PCNX2: variants seen among roughly 807,000 people sequenced by gnomAD.
PCNX2 encodes the protein pecanex 2.
A neutral mutation model predicts 223.8 loss-of-function variants in PCNX2; 168 were observed. That is an observed-to-expected ratio of 0.75 (90% CI 0.66 to 0.85). The LOEUF is 0.85. Ranked by LOEUF, PCNX2 falls within the 40% of genes least tolerant of loss-of-function variation. PCNX2 has a pLI of 0.00. For synonymous variants in PCNX2, 1,006 were observed against 1,052.6 expected (o/e 0.96, Z 0.86); for missense variants, 2,507 against 2,675.5 (o/e 0.94, Z 1.39).
chr1:233,208,658 G>A lies in PCNX2; in HGVS notation c.2723C>T (p.Pro908Leu), dbSNP rs770846018. 6.2e-7 allele frequency: 1 copy of A among 1,613,416 alleles called. No homozygotes were observed. Among genetic ancestry groups the A allele is most frequent in the Non-Finnish European group, 8.5e-7 (1 of 1,179,710 alleles). Residue 908 changes from proline (P) to leucine (L), a missense_variant, in exon 13 of 34, where the codon CCA (proline) becomes CTA (leucine). Coordinates refer to ENST00000258229, the MANE Select transcript of PCNX2 (RefSeq NM_014801.4). ...GCCACACAGCACACAAAAATAGATTGGTCTGCTATATGTTATGATTTGGTT... is the reference window on the plus strand; with the variant it reads ...GCCACACAGCACACAAAAATAGATTAGTCTGCTATATGTTATGATTTGGTT... ...GHNQIITYSR[P>L]IYFCVLCGLI...
intron 10 of PCNX2, among the ~76,000 whole-genome samples, chr1:233,223,848 C>T (rs1657540359): frequency 1.3e-5 from 2 of 152,178 alleles, no homozygotes; most frequent in South Asian, 4.1e-4. Context: ...TGAATGATTT[C>T]CTCTTTACTT....
At chr1:233,292,256 G>C (rs147101051) in intron 1 of PCNX2, among the ~76,000 whole-genome samples, 1,679 of 142,420 alleles carry the variant, frequency 0.012, 22 homozygotes, top group South Asian at 0.038. Context: ...ACCCAGCCTG[G>C]AGTGCAGTGG....
chr1:233,015,441 G>A (rs1250879158), intron 27 of PCNX2, among the ~76,000 whole-genome samples: 1 of 152,182 alleles, frequency 6.6e-6, no homozygotes, highest in South Asian at 2.1e-4. Flanking sequence ...GCTCACGCCT[G>A]TAATCTGAGC....
chr1:233,101,596 G>A (rs951114680), intron 21 of PCNX2, among the ~76,000 whole-genome samples: 2 of 151,930 alleles, frequency 1.3e-5, no homozygotes, highest in Non-Finnish European at 2.9e-5. Context: ...TACCATCCAT[G>A]ATAAAAATAA....
chr1:233,167,838 CTT>C (rs1022973167), intron 17 of PCNX2: 1 of 959,844 alleles, frequency 1.0e-6, no homozygotes, highest in African/African-American at 1.8e-5. Context: ...TGTTAAATAA[CTT>C]TTTGCTCATT....
Position 233,090,089 on chromosome 1 carries a change from G to A in PCNX2, c.4048C>T (p.Pro1350Ser). 6.2e-7 allele frequency: 1 copy of A among 1,613,858 alleles called. No homozygotes were observed. The highest frequency in any genetic ancestry group is 8.5e-7 in the Non-Finnish European group (1 of 1,179,838). ...SVIFITSYVR[P>S]VKFWEKNYNT... ...TAGTTTTTCTCCCAGAATTTCACTG[G>A]CCTGACATATGATGTGATGAAAATG... Residue 1350 changes from proline (P) to serine (S), a missense_variant, in exon 23 of 34, where the codon CCA becomes TCA. By Grantham distance (74) the Pro-to-Ser change is moderately conservative. Coordinates refer to ENST00000258229, the MANE Select transcript of PCNX2 (RefSeq NM_014801.4).
chr1:233,290,320 T>C (rs1195340079), intron 1 of PCNX2, among the ~76,000 whole-genome samples: 1 of 152,206 alleles, frequency 6.6e-6, no homozygotes, highest in Non-Finnish European at 1.5e-5. Context: ...GACCGATGTG[T>C]GCAGTTTACT....
chr1:232,992,031 C>T (rs568233396), intron 32 of PCNX2, among the ~76,000 whole-genome samples: 45 of 152,270 alleles, frequency 3.0e-4, no homozygotes, highest in African/African-American at 8.7e-4. Context: ...TGTGTGTTGT[C>T]GGAGCTGCAC....
intron 23 of PCNX2, among the ~76,000 whole-genome samples, chr1:233,069,026 A>G (rs975845951): frequency 6.6e-6 from 1 of 152,200 alleles, no homozygotes; most frequent in Admixed American, 6.5e-5. Flanking sequence ...TGAAAAATAT[A>G]TACTATGCAA....
At chr1:233,311,168 G>T in the PCNX2 span, among the ~76,000 whole-genome samples, 1 of 152,206 alleles carries the variant, frequency 6.6e-6, no homozygotes, top group Non-Finnish European at 1.5e-5. Flanking sequence ...CAACTAAATT[G>T]TAGGGATTTC....
chr1:233,096,663 T>C (rs774945018), intron 21 of PCNX2, among the ~76,000 whole-genome samples: 3 of 152,200 alleles, frequency 2.0e-5, no homozygotes, highest in Admixed American at 1.3e-4. Flanking sequence ...AAACTTCAAA[T>C]AGCATGCCAT....
At chr1:233,208,211 G>A (rs995711214) in intron 13 of PCNX2, among the ~76,000 whole-genome samples, 34 of 152,106 alleles carry the variant, frequency 2.2e-4, no homozygotes, top group African/African-American at 6.5e-4. Context: ...CACCGGCCTC[G>A]GCCTCCCGAA....
intron 19 of PCNX2, among the ~76,000 whole-genome samples, chr1:233,152,608 T>TAA (rs1259365735): frequency 6.6e-6 from 1 of 152,234 alleles, no homozygotes; most frequent in Non-Finnish European, 1.5e-5. Flanking sequence ...TTCACTTAAT[T>TAA]ACTGCGCAAA....
At chr1:233,068,174 G>A (rs1198515873) in intron 23 of PCNX2, among the ~76,000 whole-genome samples, 1 of 152,114 alleles carries the variant, frequency 6.6e-6, no homozygotes, top group Non-Finnish European at 1.5e-5. Context: ...GTTTTTAAGT[G>A]CTGAAAGAAA....
At chr1:233,207,090 G>T (rs1681517924) in intron 13 of PCNX2, among the ~76,000 whole-genome samples, 1 of 152,116 alleles carries the variant, frequency 6.6e-6, no homozygotes, top group Non-Finnish European at 1.5e-5. Flanking sequence ...ATGTGTTGAG[G>T]ATGCATAGAA....
At chr1:233,056,583 T>C (rs1342680378) in intron 24 of PCNX2, among the ~76,000 whole-genome samples, 3 of 152,206 alleles carry the variant, frequency 2.0e-5, no homozygotes, top group Non-Finnish European at 4.4e-5. Context: ...ATTTCGAATT[T>C]TGATTTCGAA....
rs561272036 is a variant in PCNX2, at chr1:233,258,812, T to G, written c.1050A>C (p.Ser350=). The G allele has an allele frequency of 1.2e-5, 19 of 1,613,984 alleles. No individual in the cohort carries two copies. In the African/African-American group the frequency reaches 2.5e-4, roughly 22 times the overall value. Residue 350 remains serine, a synonymous_variant, in exon 5 of 34, where the codon TCA becomes TCC. Coordinates refer to ENST00000258229, the MANE Select transcript of PCNX2 (RefSeq NM_014801.4). ...TGAGAGTAACAGCTACCTCACTATC[T>G]GAGGAGTCCACTTCCTGGTGCAAGG... The part of the protein sequence containing the change: ...DLPLHQEVDS[S]DSEVAVTLID...
At chr1:233,087,907 C>T (rs534503578) in intron 23 of PCNX2, among the ~76,000 whole-genome samples, 1 of 152,276 alleles carries the variant, frequency 6.6e-6, no homozygotes, top group East Asian at 1.9e-4. Context: ...GAGGCAGACA[C>T]CCCACACACA....
At chr1:233,100,148 C>T (rs1674402767) in intron 21 of PCNX2, among the ~76,000 whole-genome samples, 1 of 152,156 alleles carries the variant, frequency 6.6e-6, no homozygotes, top group South Asian at 2.1e-4. Flanking sequence ...CGCGGGGGCT[C>T]ACGCCTGTAA....
Sources: allele counts gnomAD v4.1 joint callset (sites outside exome capture counted in the v4.1 genomes callset), GRCh38; gene constraint gnomAD v4.1.1; transcripts MANE v1.5; gene names NCBI Gene and HGNC (gene_info 2026-07-23, HGNC 2026-07-21).